The following BANP variants were observed in gnomAD, a reference collection of about 807,000 sequenced individuals.
BANP encodes the protein protein BANP.
In BANP, 11 loss-of-function variants were observed where a neutral mutation model predicts 68.1. That is an observed-to-expected ratio of 0.16 (90% CI 0.10 to 0.27). The LOEUF (loss-of-function observed/expected upper bound fraction) is 0.27. Among genes scored for constraint, BANP ranks in the 10% least tolerant of loss-of-function variants. The probability of loss-of-function intolerance (pLI) is 1.00; values close to 1 mark genes in which losing one functional copy is unlikely to be tolerated. For missense variants in BANP, 504 were observed against 722.7 expected, an observed-to-expected ratio of 0.70 and a Z score of 3.47; for synonymous variants, 329 against 303.2, an observed-to-expected ratio of 1.09 and a Z score of -0.88.
chr16:88,050,252 G>A (rs1162886305), intron 11 of BANP, among the ~76,000 whole-genome samples: 1 of 152,120 alleles, frequency 6.6e-6, no homozygotes, highest in African/African-American at 2.4e-5. Flanking sequence ...TGCCTCCCGG[G>A]CTCAGGCAAT....
At chr16:88,062,030 GT>G (rs2086958631) in intron 11 of BANP, among the ~76,000 whole-genome samples, 1 of 152,186 alleles carries the variant, frequency 6.6e-6, no homozygotes, top group Admixed American at 6.5e-5. Context: ...AGGCACCTTG[GT>G]TACAGTCTCA....
chr16:88,025,790 G>A (rs2152707143), intron 7 of BANP, among the ~76,000 whole-genome samples: 1 of 152,272 alleles, frequency 6.6e-6, no homozygotes, highest in South Asian at 2.1e-4. Context: ...TTAGGGTTTG[G>A]GCAGTAGAGT....
chr16:88,062,630 T>G (rs1191614199), intron 11 of BANP, among the ~76,000 whole-genome samples: 3 of 152,222 alleles, frequency 2.0e-5, no homozygotes, highest in Admixed American at 6.5e-5. Flanking sequence ...CCGCTTCAAG[T>G]TCAGCCGCAG....
intron 11 of BANP, among the ~76,000 whole-genome samples, chr16:88,046,894 G>A (rs1039793986): frequency 1.3e-5 from 2 of 151,606 alleles, no homozygotes; most frequent in Non-Finnish European, 2.9e-5. Flanking sequence ...GTGAAACCCC[G>A]TCTCTACTAA....
intron 7 of BANP, among the ~76,000 whole-genome samples, chr16:88,024,521 A>G (rs553664201): frequency 1.7e-4 from 26 of 152,380 alleles, no homozygotes; most frequent in South Asian, 1.4e-3. Flanking sequence ...GCGGCTGCTC[A>G]GTGCTGTCAG....
chr16:88,026,398 T>A (rs2076998337), intron 7 of BANP, among the ~76,000 whole-genome samples: 1 of 152,178 alleles, frequency 6.6e-6, no homozygotes, highest in South Asian at 2.1e-4. Context: ...TGGGAGGGTG[T>A]CTTGCAGTCC....
intron 4 of BANP, among the ~76,000 whole-genome samples, chr16:87,994,867 A>G (rs1362597752): frequency 6.6e-6 from 1 of 152,246 alleles, no homozygotes; most frequent in African/African-American, 2.4e-5. Context: ...TGTATTGATT[A>G]GGTGACATGA....
chr16:88,047,167 T>C (rs1275848892), intron 11 of BANP, among the ~76,000 whole-genome samples: 2 of 152,112 alleles, frequency 1.3e-5, no homozygotes, highest in Non-Finnish European at 2.9e-5. Flanking sequence ...TTGTTTGTGT[T>C]GTTTAAAATC....
At chr16:88,066,373 G>A (rs755285232) in intron 12 of BANP, among the ~76,000 whole-genome samples, 2 of 152,206 alleles carry the variant, frequency 1.3e-5, no homozygotes, top group Non-Finnish European at 2.9e-5. Flanking sequence ...GTTTGGTGTC[G>A]TTTCTCTCTG....
At chr16:87,994,156 G>A (rs1256962325) in intron 4 of BANP, among the ~76,000 whole-genome samples, 3 of 152,200 alleles carry the variant, frequency 2.0e-5, no homozygotes, top group Non-Finnish European at 2.9e-5. Flanking sequence ...GGCCCTGGGC[G>A]GCTTTTCAGC....
chr16:87,950,120 A>G (rs1043145416), upstream of BANP, among the ~76,000 whole-genome samples: 13 of 151,488 alleles, frequency 8.6e-5, no homozygotes, highest in African/African-American at 2.2e-4. Flanking sequence ...CTCGTGATCC[A>G]CCCGCCTCGG....
chr16:87,993,018 C>G (rs2066285371), intron 4 of BANP, among the ~76,000 whole-genome samples: 1 of 152,144 alleles, frequency 6.6e-6, no homozygotes, highest in African/African-American at 2.4e-5. Flanking sequence ...TTTTTGGCGA[C>G]TTTTTGAGGA....
At chr16:87,975,759 G>T (rs1157371160) in intron 2 of BANP, among the ~76,000 whole-genome samples, 6 of 148,782 alleles carry the variant, frequency 4.0e-5, no homozygotes, top group Admixed American at 6.7e-5. Context: ...AATCCCCTGT[G>T]CGTGGTGTCA....
chr16:88,062,026 C>T (rs1215263236), intron 11 of BANP, among the ~76,000 whole-genome samples: 2 of 152,176 alleles, frequency 1.3e-5, no homozygotes, highest in Non-Finnish European at 2.9e-5. Flanking sequence ...AAAAAGGCAC[C>T]TTGGTTACAG....
At chr16:88,030,380 G>C (rs757330229) in intron 8 of BANP, among the ~76,000 whole-genome samples, 1 of 152,218 alleles carries the variant, frequency 6.6e-6, no homozygotes, top group Non-Finnish European at 1.5e-5. Flanking sequence ...AAAAAGAACC[G>C]TATGGAACTC....
chr16:88,017,263 G>A (rs1211322818), intron 6 of BANP: 1 of 152,254 alleles, frequency 6.6e-6, no homozygotes, highest in Non-Finnish European at 1.5e-5. Context: ...GTCCCTCATA[G>A]GTCCCGGCCC....
At chr16:88,021,392 C>T (rs1423166673) in intron 7 of BANP, among the ~76,000 whole-genome samples, 1 of 152,154 alleles carries the variant, frequency 6.6e-6, no homozygotes, top group Admixed American at 6.5e-5. Context: ...GAATTCTGGT[C>T]TCTAGAGCCG....
intron 6 of BANP, among the ~76,000 whole-genome samples, chr16:88,015,468 C>G (rs1385285476): frequency 6.6e-6 from 1 of 152,258 alleles, no homozygotes; most frequent in Non-Finnish European, 1.5e-5. Flanking sequence ...GCCCTATGTT[C>G]CCTGCTCTGG....
chr16:88,045,335 A>C (rs992811258), intron 11 of BANP, among the ~76,000 whole-genome samples: 3 of 152,152 alleles, frequency 2.0e-5, no homozygotes, highest in African/African-American at 7.2e-5. Context: ...ATGCCCCTCT[A>C]CGCCATCCAC....
Sources: gnomAD v4.1 joint callset for allele counts (sites outside exome capture counted in the v4.1 genomes callset) on GRCh38, gnomAD v4.1.1 for gene constraint, MANE v1.5 for transcripts, NCBI Gene and HGNC (gene_info 2026-07-23, HGNC 2026-07-21) for gene names.